Variants in NKAIN3 observed in about 807,000 individuals in gnomAD.
NKAIN3 encodes the protein sodium/potassium transporting ATPase interacting 3, also known as sodium/potassium-transporting ATPase subunit beta-1-interacting protein 3.
Under a neutral mutation model 30.2 loss-of-function variants are expected in NKAIN3, and 25 were observed. That is an observed-to-expected ratio of 0.83 (90% CI 0.60 to 1.16). NKAIN3 has a LOEUF of 1.16. NKAIN3 is among the 50% of genes most tolerant of loss of function. NKAIN3 has a pLI of 0.00. For missense variants in NKAIN3, 225 were observed against 254.1 expected, an observed-to-expected ratio of 0.89 and a Z score of 0.78; for synonymous variants, 91 against 89.6, an observed-to-expected ratio of 1.02 and a Z score of -0.09.
At chr8:62,405,375 T>C (rs1804029977) in intron 1 of NKAIN3, among the ~76,000 whole-genome samples, 1 of 152,172 alleles carries the variant, frequency 6.6e-6, no homozygotes, top group African/African-American at 2.4e-5. Context: ...TTTTCAAAGT[T>C]ATGTAGGACC....
intron 1 of NKAIN3, among the ~76,000 whole-genome samples, chr8:62,364,707 C>T (rs761410840): frequency 2.6e-5 from 4 of 151,024 alleles, no homozygotes; most frequent in South Asian, 2.1e-4. Context: ...AGCCTGGTGG[C>T]GGGCGCCTGT....
chr8:62,847,622 C>T (rs901245199), intron 4 of NKAIN3, among the ~76,000 whole-genome samples: 1 of 152,042 alleles, frequency 6.6e-6, no homozygotes, highest in Non-Finnish European at 1.5e-5. Context: ...CTGTCTCCCA[C>T]TCTGTAGGTT....
chr8:62,417,661 A>G (rs1184316346), intron 1 of NKAIN3, among the ~76,000 whole-genome samples: 1 of 152,162 alleles, frequency 6.6e-6, no homozygotes, highest in Non-Finnish European at 1.5e-5. Flanking sequence ...GGATAAAGCC[A>G]TTTTAACTGG....
At chr8:62,916,525 C>T (rs908393306) in intron 4 of NKAIN3, among the ~76,000 whole-genome samples, 3 of 152,080 alleles carry the variant, frequency 2.0e-5, no homozygotes, top group African/African-American at 4.8e-5. Flanking sequence ...CTCTCACTGT[C>T]CCTTCAAGTA....
At chr8:62,680,452 A>G (rs144563040) in intron 3 of NKAIN3, among the ~76,000 whole-genome samples, 1 of 152,288 alleles carries the variant, frequency 6.6e-6, no homozygotes, top group East Asian at 1.9e-4. Flanking sequence ...ATAGTAAAAG[A>G]CATCTTATAA....
rs569194335 is a variant in NKAIN3 at position 62,689,776 on chromosome 8, A to G, written c.274-57156A>G. Reference sequence around the variant, plus strand: ...TGACCCTGGAATTCAATAAATTTGAATATTAATTTTGAGATTCAATCATCG... The same window carrying G: ...TGACCCTGGAATTCAATAAATTTGAGTATTAATTTTGAGATTCAATCATCG... On this transcript the variant is annotated intron_variant, in intron 3 of 6. Transcript: ENST00000623646. Among the ~76,000 whole-genome samples, 5 of 152,048 alleles carry G rather than the reference A, an allele frequency of 3.3e-5. No homozygotes were observed. In the East Asian group the frequency reaches 9.7e-4, roughly 29 times the overall value.
At chr8:62,760,481 A>T (rs1816617635) in intron 4 of NKAIN3, among the ~76,000 whole-genome samples, 1 of 152,164 alleles carries the variant, frequency 6.6e-6, no homozygotes, top group African/African-American at 2.4e-5. Flanking sequence ...TTGTAGGGAC[A>T]TGGATGAAGC....
intron 3 of NKAIN3, among the ~76,000 whole-genome samples, chr8:62,607,694 AT>A (rs1366303459): frequency 6.6e-6 from 1 of 151,796 alleles, no homozygotes; most frequent in Non-Finnish European, 1.5e-5. Flanking sequence ...TTTTTTTCAC[AT>A]TTGAATTTGT....
intron 1 of NKAIN3, among the ~76,000 whole-genome samples, chr8:62,440,377 G>A (rs538379558): frequency 2.0e-5 from 3 of 152,272 alleles, no homozygotes; most frequent in Admixed American, 2.0e-4. Flanking sequence ...GCTGAAATGA[G>A]AGCATTTTTG....
At chr8:62,483,844 A>T in intron 1 of NKAIN3, 1 of 187,620 alleles carries the variant, frequency 5.3e-6, no homozygotes, top group Non-Finnish European at 1.1e-5. Context: ...CAGCTTCTTA[A>T]TCCTTCTTAA....
In NKAIN3 at chr8:62,852,065, G is replaced by T. The variant is rs6999770; in HGVS notation, c.472-66388G>T. On this transcript the variant is annotated intron_variant, in intron 4 of 6. Coordinates refer to ENST00000623646, the MANE Select transcript of NKAIN3 (RefSeq NM_001304533.3). The stretch of plus-strand genomic sequence containing the variant: ...CTCCTTCTACCTCTGGTAGAATTCA[G>T]CTGTGAATCCATCTGGTCCTGGACT... 8.8e-3 allele frequency among the ~76,000 whole-genome samples: 1,338 copies of T among 152,274 alleles called. 21 individuals are homozygous for T. Among genetic ancestry groups the T allele is most frequent in the African/African-American group, 0.031 (1,297 of 41,536 alleles).
chr8:62,554,618 T>G (rs1224049278), intron 1 of NKAIN3, among the ~76,000 whole-genome samples: 1 of 152,202 alleles, frequency 6.6e-6, no homozygotes, highest in Non-Finnish European at 1.5e-5. Context: ...TAATTTATTT[T>G]AAATGGTACT....
At chr8:62,666,181 C>G (rs778403512) in intron 3 of NKAIN3, among the ~76,000 whole-genome samples, 1 of 152,092 alleles carries the variant, frequency 6.6e-6, no homozygotes, top group African/African-American at 2.4e-5. Context: ...CCACTGCACT[C>G]CAGGCTGGGC....
At chr8:62,589,822 C>T in intron 3 of NKAIN3, 28 bp downstream of exon 3, 8 of 1,220,998 alleles carry the variant, frequency 6.6e-6, no homozygotes, top group Non-Finnish European at 8.4e-6. Context: ...TTAAAGTACA[C>T]TTTAAAATGA....
intron 3 of NKAIN3, among the ~76,000 whole-genome samples, chr8:62,613,963 T>C (rs761351538): frequency 6.6e-6 from 1 of 152,186 alleles, no homozygotes; most frequent in African/African-American, 2.4e-5. Context: ...AACACAGATA[T>C]TTTAAATTCT....
chr8:62,608,220 C>G (rs377358789), intron 3 of NKAIN3, among the ~76,000 whole-genome samples: 1 of 152,080 alleles, frequency 6.6e-6, no homozygotes, highest in African/African-American at 2.4e-5. Context: ...ATCATTCTTT[C>G]CCACACTTTT....
chr8:62,678,207 T>G (rs952467183), intron 3 of NKAIN3, among the ~76,000 whole-genome samples: 1 of 152,300 alleles, frequency 6.6e-6, no homozygotes, highest in South Asian at 2.1e-4. Flanking sequence ...CTTTAATGCT[T>G]CTTCTGTGCC....
intron 1 of NKAIN3, among the ~76,000 whole-genome samples, chr8:62,488,167 G>A (rs1405563173): frequency 2.0e-5 from 3 of 152,136 alleles, no homozygotes; most frequent in Admixed American, 1.3e-4. Context: ...ACCCAATCAA[G>A]TCTTAACTCA....
intron 4 of NKAIN3, among the ~76,000 whole-genome samples, chr8:62,883,011 T>C (rs1821032657): frequency 1.3e-5 from 2 of 152,184 alleles, no homozygotes; most frequent in Admixed American, 6.5e-5. Flanking sequence ...TCTGCCAACT[T>C]TTTTCTTCTT....
Sources: allele counts gnomAD v4.1 joint callset (sites outside exome capture counted in the v4.1 genomes callset), GRCh38; gene constraint gnomAD v4.1.1; transcripts MANE v1.5; gene names NCBI Gene and HGNC (gene_info 2026-07-23, HGNC 2026-07-21).